Variants in SOX6 observed in about 807,000 individuals in gnomAD.
SOX6 encodes SRY-box transcription factor 6, also known as transcription factor SOX-6.
In SOX6, 11 loss-of-function variants were observed where a neutral mutation model predicts 97.8. The ratio of observed to expected loss-of-function variants is 0.11; its 90% CI spans 0.07 to 0.19. The LOEUF (loss-of-function observed/expected upper bound fraction) is 0.19, where lower values mean the gene tolerates loss of function less well. SOX6 is among the 10% of genes least tolerant of loss of function. The pLI is 1.00. For synonymous variants in SOX6, 360 were observed against 371.4 expected (o/e 0.97, Z 0.35); for missense variants, 810 against 1,039.5 (o/e 0.78, Z 3.04).
chr11:16,736,996 G>C (rs1162096874), intron 1 of SOX6, among the ~76,000 whole-genome samples: 1 of 152,034 alleles, frequency 6.6e-6, no homozygotes, highest in Non-Finnish European at 1.5e-5. Context: ...CAAAATAAGG[G>C]AGAATTTGAA....
At chr11:16,077,058 T>A (rs1303516528) in intron 9 of SOX6, among the ~76,000 whole-genome samples, 3 of 152,288 alleles carry the variant, frequency 2.0e-5, no homozygotes, top group African/African-American at 7.2e-5. Context: ...CGGCCGGTAC[T>A]ACACATTTTT....
chr11:16,153,248 T>C (rs1276411367), intron 6 of SOX6, among the ~76,000 whole-genome samples: 2 of 152,044 alleles, frequency 1.3e-5, no homozygotes, highest in African/African-American at 4.8e-5. Flanking sequence ...CCTCAAGTGA[T>C]CCACCCATCT....
chr11:16,734,902 A>G (rs1337214641), intron 2 of SOX6, among the ~76,000 whole-genome samples: 2 of 152,190 alleles, frequency 1.3e-5, no homozygotes, highest in Admixed American at 6.5e-5. Flanking sequence ...GCTAATCAAG[A>G]TAAGTTAAAG....
At chr11:16,305,720 A>G (rs1207906704) in intron 3 of SOX6, among the ~76,000 whole-genome samples, 1 of 152,256 alleles carries the variant, frequency 6.6e-6, no homozygotes, top group Non-Finnish European at 1.5e-5. Context: ...GAATACACTT[A>G]GCAAATTTTT....
At chr11:16,076,670 A>G (rs1848360060) in intron 9 of SOX6, among the ~76,000 whole-genome samples, 1 of 151,578 alleles carries the variant, frequency 6.6e-6, no homozygotes, top group Non-Finnish European at 1.5e-5. Flanking sequence ...GGAAGGCGAA[A>G]GGGAAGCAGG....
At chr11:16,301,033 G>C (rs1343604041) in intron 3 of SOX6, among the ~76,000 whole-genome samples, 1 of 151,816 alleles carries the variant, frequency 6.6e-6, no homozygotes, top group Non-Finnish European at 1.5e-5. Context: ...CCTAACAATG[G>C]CCCCCAACAC....
chr11:16,190,323 C>G (rs115522596), intron 4 of SOX6, among the ~76,000 whole-genome samples: 288 of 152,312 alleles, frequency 1.9e-3, no homozygotes, highest in African/African-American at 6.7e-3. Context: ...GGAGTACATA[C>G]AGTCAACCCC....
chr11:16,069,460 T>A (rs944685317), intron 9 of SOX6, among the ~76,000 whole-genome samples: 1 of 152,206 alleles, frequency 6.6e-6, no homozygotes, highest in African/African-American at 2.4e-5. Context: ...AAAAATGTTT[T>A]TTTCTACCAT....
At chr11:16,383,791 C>T (rs74427633) in intron 1 of SOX6, among the ~76,000 whole-genome samples, 1,825 of 151,900 alleles carry the variant, frequency 0.012, 35 homozygotes, top group African/African-American at 0.042. Context: ...ATTTAACAGC[C>T]CATAGCCAAA....
In SOX6 at chr11:15,973,045, T is replaced by C; in HGVS notation, c.2251A>G (p.Thr751Ala). 6.2e-7 allele frequency: 1 copy of C among 1,614,158 alleles called. No individual in the cohort carries two copies. The highest frequency in any genetic ancestry group is 8.5e-7 in the Non-Finnish European group (1 of 1,180,012). ...GTCATCTGAGGCGATGGTGTGGTAG[T>C]TGCCATAGTGATAGCACCAGGATAC... ...VVYPGAITMA[T>A]TTPSPQMTSD... The change falls in exon 16 of 16, where the codon ACT becomes GCT. Residue 751 changes from threonine to alanine, a missense_variant. Physicochemically the swap from Thr to Ala is moderately conservative, Grantham distance 58. Transcript: ENST00000683767.
chr11:16,192,342 T>C (rs76747740), intron 4 of SOX6, among the ~76,000 whole-genome samples: 3,876 of 152,276 alleles, frequency 0.025, 163 homozygotes, highest in African/African-American at 0.088. Flanking sequence ...TGACACATTT[T>C]TTTTTCTTAG....
At chr11:16,170,364 TA>T (rs879502500) in intron 6 of SOX6, among the ~76,000 whole-genome samples, 132 of 143,738 alleles carry the variant, frequency 9.2e-4, no homozygotes, top group East Asian at 3.6e-3. Context: ...TACTTAGTCT[TA>T]AAAAAAAAAA....
intron 3 of SOX6, among the ~76,000 whole-genome samples, chr11:16,673,699 C>T (rs1194509235): frequency 6.6e-6 from 1 of 152,054 alleles, no homozygotes; most frequent in South Asian, 2.1e-4. Flanking sequence ...CCTACTCAAA[C>T]TATTCTAAAA....
intron 1 of SOX6, among the ~76,000 whole-genome samples, chr11:16,347,953 T>C (rs1856814467): frequency 6.6e-6 from 1 of 151,146 alleles, no homozygotes; most frequent in Non-Finnish European, 1.5e-5. Context: ...TTTCATGTGA[T>C]GAAATAAGGT....
intron 6 of SOX6, among the ~76,000 whole-genome samples, chr11:16,115,553 G>T (rs559149161): frequency 6.6e-6 from 1 of 152,252 alleles, no homozygotes; most frequent in African/African-American, 2.4e-5. Flanking sequence ...TGGGGCTGCT[G>T]GTCCAGGGGT....
intron 4 of SOX6, among the ~76,000 whole-genome samples, chr11:16,602,446 T>C (rs887264132): frequency 6.6e-6 from 1 of 152,130 alleles, no homozygotes; most frequent in Non-Finnish European, 1.5e-5. Flanking sequence ...TTTTTGGTTG[T>C]TTGCTTTTTT....
intron 4 of SOX6, among the ~76,000 whole-genome samples, chr11:16,507,424 T>G (rs1565166357): frequency 1.3e-5 from 2 of 152,114 alleles, no homozygotes; most frequent in Non-Finnish European, 2.9e-5. Context: ...CTCCTAAAAT[T>G]TTTATGAAAC....
At chr11:16,309,203 A>G (rs1474345805) in intron 3 of SOX6, among the ~76,000 whole-genome samples, 1 of 152,244 alleles carries the variant, frequency 6.6e-6, no homozygotes, top group Non-Finnish European at 1.5e-5. Context: ...CATGTGCATC[A>G]GAAGACAGGT....
chr11:16,479,284 C>T (rs577744730), upstream of SOX6, among the ~76,000 whole-genome samples: 1 of 152,216 alleles, frequency 6.6e-6, no homozygotes, highest in Non-Finnish European at 1.5e-5. Flanking sequence ...AATCCCAACA[C>T]TTTGGGAGGC....
Sources: gnomAD v4.1 joint callset for allele counts (sites outside exome capture counted in the v4.1 genomes callset) on GRCh38, gnomAD v4.1.1 for gene constraint, MANE v1.5 for transcripts, NCBI Gene and HGNC (gene_info 2026-07-23, HGNC 2026-07-21) for gene names.